FGD6: variants seen among roughly 807,000 people sequenced by gnomAD.
FGD6 encodes FYVE, RhoGEF and PH domain-containing protein 6.
FGD6 carries 90 observed loss-of-function variants against 149.4 expected under a neutral mutation model. That is an observed-to-expected ratio of 0.60 (90% confidence interval 0.51 to 0.72). The LOEUF (loss-of-function observed/expected upper bound fraction) is 0.72, where lower values mean the gene tolerates loss of function less well. Among genes scored for constraint, FGD6 ranks in the 30% least tolerant of loss-of-function variants. The pLI is 0.00. For synonymous variants in FGD6, 527 were observed against 584.0 expected (o/e 0.90, Z 1.41); for missense variants, 1,437 against 1,684.8 (o/e 0.85, Z 2.57).
In FGD6 at chr12:95,190,194, G is replaced by A. The variant is rs187285695; in HGVS notation, c.2442-17450C>T. On this transcript the variant is annotated intron_variant, in intron 2 of 20. Transcript: ENST00000343958. ...GATGTTTTCTTTTGTTTTTGAAATG[G>A]AGTCTTGCTCTGTCGCTCAGGCTGG... Among the ~76,000 whole-genome samples, 9 of 152,256 alleles carry A rather than the reference G, an allele frequency of 5.9e-5. No homozygotes were observed. In the East Asian group the frequency reaches 1.7e-3, roughly 29 times the overall value.
Position 95,134,773 on chromosome 12 carries a change from A to T in FGD6, c.3048T>A (p.Val1016=), listed in dbSNP as rs1879620089. The T allele has an allele frequency of 6.2e-7, 1 of 1,613,812 alleles. No homozygotes were observed. Among genetic ancestry groups the T allele is most frequent in the Non-Finnish European group, 8.5e-7 (1 of 1,179,940 alleles). ...LALKHYLLKP[V]QRIPQYRLLL... ...ACAGCCTGTACTGGGGGATCCTCTG[A>T]ACCGGCTTGAGCAGGTAGTGCTTGA... The change falls in exon 8 of 21, where the codon GTT becomes GTA. Residue 1016 remains valine, a synonymous_variant. Coordinates refer to ENST00000343958, the MANE Select transcript of FGD6 (RefSeq NM_018351.4).
In FGD6 at chr12:95,215,149, CT is replaced by C; in HGVS notation, c.16+2075del. Among the ~76,000 whole-genome samples the C allele has an allele frequency of 1.3e-5, 2 of 152,338 alleles. 1 individual carries two copies. Among genetic ancestry groups the C allele is most frequent in the Middle Eastern group, 6.8e-3 (2 of 294 alleles). On this transcript the variant is annotated intron_variant, in intron 1 of 20. Transcript: ENST00000343958. ...GTGATGGAATTACAGGCTTGAGCCA[CT>C]GCGCCCAGCCTCTCCTTTTTCATAT...
chr12:95,092,132 CCAG>C (rs1165439493), intron 16 of FGD6, among the ~76,000 whole-genome samples: 4 of 152,166 alleles, frequency 2.6e-5, no homozygotes. Flanking sequence ...ATACTGATCA[CCAG>C]CACTGTCATC....
At chr12:95,217,010 A>AT (rs2056819142) in intron 1 of FGD6, among the ~76,000 whole-genome samples, 1 of 152,188 alleles carries the variant, frequency 6.6e-6, no homozygotes, top group Non-Finnish European at 1.5e-5. Flanking sequence ...TGGAAGGGAG[A>AT]TCCCGAGAAA....
At chr12:95,082,154 A>C (rs1195681118) in intron 20 of FGD6, among the ~76,000 whole-genome samples, 1 of 152,178 alleles carries the variant, frequency 6.6e-6, no homozygotes, top group Non-Finnish European at 1.5e-5. Context: ...TTTATTTTGG[A>C]AGTTGATATT....
chr12:95,126,655 C>T lies in FGD6; in HGVS notation c.3082+8084G>A, dbSNP rs944325351. Among the ~76,000 whole-genome samples the T allele has an allele frequency of 1.1e-4, 16 of 150,652 alleles. No homozygotes were observed. In the East Asian group the frequency reaches 1.2e-3, roughly 11 times the overall value. ...CTGAGGCAAGAGAACTGCTTGAACC[C>T]GGGAGGTGGAGGTTGTAGTGAGCCG... On this transcript the variant is annotated intron_variant, in intron 8 of 20. Transcript: ENST00000343958.
intron 3 of FGD6, among the ~76,000 whole-genome samples, chr12:95,160,172 T>A (rs779357017): frequency 2.0e-5 from 3 of 151,590 alleles, no homozygotes; most frequent in Non-Finnish European, 4.4e-5. Context: ...AAGCAAGACC[T>A]CATTTCTATT....
chr12:95,092,683 T>C lies in FGD6; in HGVS notation c.3747+16A>G, dbSNP rs908347938. 2.5e-6 allele frequency: 4 copies of C among 1,613,030 alleles called. No homozygotes were observed. Among genetic ancestry groups the C allele is most frequent in the Admixed American group, 1.7e-5 (1 of 59,992 alleles). ...CAGTAAAGACCACAATGGAGATGGG[T>C]GTTATCATCGCCAACCTTTCCACAG... On this transcript the variant is annotated intron_variant, in intron 16 of 20. Transcript: ENST00000343958.
intron 8 of FGD6, among the ~76,000 whole-genome samples, chr12:95,124,180 G>A (rs1879270203): frequency 6.6e-6 from 1 of 151,980 alleles, no homozygotes; most frequent in South Asian, 2.1e-4. Flanking sequence ...CCAAAGAGCT[G>A]GGATTACAGG....
At chr12:95,214,865 T>C (rs1051676363) in intron 1 of FGD6, among the ~76,000 whole-genome samples, 15 of 148,254 alleles carry the variant, frequency 1.0e-4, no homozygotes, top group South Asian at 4.3e-4. Context: ...TTTTTTCTTT[T>C]TTTTTTTTTT....
At chr12:95,159,658 A>T (rs1412032297) in intron 3 of FGD6, among the ~76,000 whole-genome samples, 2 of 151,942 alleles carry the variant, frequency 1.3e-5, no homozygotes, top group Non-Finnish European at 2.9e-5. Flanking sequence ...ACAGGGTAAA[A>T]CCCTCTCTCT....
In FGD6 at chr12:95,149,119, T is replaced by TATATATG. The variant is rs552500377; in HGVS notation, c.2685+3691_2685+3692insCATATAT. The stretch of plus-strand genomic sequence containing the variant: ...ATATTATATAAGATATAGCATATAT[T>TATATATG]ATATAATATATAGCATATATTATAT... On this transcript the variant is annotated intron_variant, in intron 5 of 20. Transcript: ENST00000343958. 1.8e-4 allele frequency among the ~76,000 whole-genome samples: 2 copies of TATATATG among 11,200 alleles called. 1 individual carries two copies. Among genetic ancestry groups the TATATATG allele is most frequent in the Non-Finnish European group, 2.5e-4 (2 of 8,052 alleles). 7.3% of individuals were successfully genotyped at this position (11,200 alleles called of 152,430 possible).
chr12:95,176,370 C>G (rs1881132294), intron 2 of FGD6, among the ~76,000 whole-genome samples: 2 of 152,186 alleles, frequency 1.3e-5, no homozygotes, highest in South Asian at 4.1e-4. Flanking sequence ...GGTAAAGGAA[C>G]AGGACATAGG....
At chr12:95,084,819 T>G (rs1877805918) in intron 19 of FGD6, among the ~76,000 whole-genome samples, 173 bp from the exon 20 acceptor site, 1 of 152,202 alleles carries the variant, frequency 6.6e-6, no homozygotes, top group Admixed American at 6.5e-5. Context: ...ATTGAGCCAC[T>G]CCCTCCCTAG....
In FGD6 at chr12:95,084,627, C is replaced by T. The variant is rs1419383429; in HGVS notation, c.4127G>A (p.Ser1376Asn). ...AACAGTGAATCCTAATAAAGGCTGA[C>T]TCTCCAAAGCGGCCACGTCCTAATT... ...AASEDVAALESQPLLGFTVIQ... is the reference protein window; with the variant it reads ...AASEDVAALENQPLLGFTVIQ... Residue 1376 changes from serine to asparagine, a missense_variant, in exon 20 of 21, where the codon AGT becomes AAT. This residue lies in a region of FGD6 where 382 missense variants were observed against 538.7 expected (regional missense o/e 0.71). Coordinates refer to ENST00000343958, the MANE Select transcript of FGD6 (RefSeq NM_018351.4). 2 of 1,590,376 alleles carry T rather than the reference C, an allele frequency of 1.3e-6. No homozygotes were observed. The highest frequency in any genetic ancestry group is 1.2e-5 in the South Asian group (1 of 85,278).
intron 2 of FGD6, among the ~76,000 whole-genome samples, chr12:95,195,326 A>C (rs1881709532): frequency 6.6e-6 from 1 of 152,118 alleles, no homozygotes; most frequent in Non-Finnish European, 1.5e-5. Context: ...GCCAAAGAAT[A>C]CTGGCAGATT....
At position 95,210,524 on chromosome 12, in the gene FGD6, C is replaced by A; in HGVS notation, c.760G>T (p.Glu254Ter). The change falls in exon 2 of 21, where the codon GAA (glutamate) becomes TAA (stop). Residue 254 changes from glutamate (E) to a stop codon, truncating the protein, a stop_gained. Coordinates refer to ENST00000343958, the MANE Select transcript of FGD6 (RefSeq NM_018351.4). LOFTEE classifies it high-confidence loss of function. ...QLPSDECEHFETCQDDSEKSN... is the reference protein window; with the variant it reads ...QLPSDECEHF ...TTTTCACTGTCATCCTGGCAAGTTT[C>A]AAAATGTTCACATTCATCACTAGGA... 6.2e-7 allele frequency: 1 copy of A among 1,613,964 alleles called. No individual in the cohort carries two copies. The highest frequency in any genetic ancestry group is 8.5e-7 in the Non-Finnish European group (1 of 1,180,000).
chr12:95,172,584 A>G lies in FGD6; in HGVS notation c.2586+16T>C, dbSNP rs745432037. The G allele has an allele frequency of 1.9e-6, 3 of 1,566,800 alleles. No individual in the cohort carries two copies. The highest frequency in any genetic ancestry group is 1.7e-5 in the Admixed American group (1 of 57,608). The stretch of plus-strand genomic sequence containing the variant: ...CATAGGGAGAGGTCAAGAAGCAATT[A>G]AGTACCAAAGTATACCTGTTTATCT... On this transcript the variant is annotated intron_variant, in intron 3 of 20. Coordinates refer to ENST00000343958, the MANE Select transcript of FGD6 (RefSeq NM_018351.4).
rs1275396537 is a variant in FGD6, at chr12:95,079,513, T to A, written c.*2007A>T. 1 of 152,224 alleles carries A rather than the reference T, an allele frequency of 6.6e-6. No individual in the cohort carries two copies. Among genetic ancestry groups the A allele is most frequent in the African/African-American group, 2.4e-5 (1 of 41,454 alleles). The allele number at this position is 152,224 out of a possible 1,614,324, so 9.4% of individuals were successfully genotyped here. On this transcript the variant is annotated 3_prime_UTR_variant, in exon 21 of 21. Transcript: ENST00000343958. ...AGGGAAAGAAAACCCAAATAACTTGTCTTGCTAAATGCCAGACGCAGAAAC... is the reference window on the plus strand; with the variant it reads ...AGGGAAAGAAAACCCAAATAACTTGACTTGCTAAATGCCAGACGCAGAAAC...
Sources: allele counts gnomAD v4.1 joint callset (sites outside exome capture counted in the v4.1 genomes callset), GRCh38; gene constraint gnomAD v4.1.1; regional missense constraint gnomAD v4.1.1; transcripts MANE v1.5; gene names NCBI Gene and HGNC (gene_info 2026-07-23, HGNC 2026-07-21).